The following IPO5 variants were observed in gnomAD, a reference collection of about 807,000 sequenced individuals.
IPO5 encodes the protein importin-5.
IPO5 carries 18 observed loss-of-function variants against 143.3 expected under a neutral mutation model. That is an observed-to-expected ratio of 0.13 (90% CI 0.09 to 0.19). The LOEUF is 0.19. IPO5 is among the 10% of genes least tolerant of loss of function. The probability of loss-of-function intolerance (pLI) is 1.00; values close to 1 mark genes in which losing one functional copy is unlikely to be tolerated. For synonymous variants in IPO5, 477 were observed against 465.7 expected, an observed-to-expected ratio of 1.02 and a Z score of -0.31; for missense variants, 1,013 against 1,336.9, an observed-to-expected ratio of 0.76 and a Z score of 3.78.
At chr13:97,980,121 T>C (rs765252604) in intron 4 of IPO5, among the ~76,000 whole-genome samples, 6 of 152,236 alleles carry the variant, frequency 3.9e-5, no homozygotes, top group Non-Finnish European at 8.8e-5. Flanking sequence ...CTAACTGGAC[T>C]AGTGCTAGGA....
chr13:98,009,840 A>C (rs768677384), intron 18 of IPO5, 41 bp from the exon 19 acceptor site: 1 of 1,467,520 alleles, frequency 6.8e-7, no homozygotes, highest in African/African-American at 1.4e-5. Context: ...ACGTTTACCC[A>C]TTGTTTTTTA....
At chr13:97,997,497 C>A in intron 11 of IPO5, 34 bp from the exon 12 acceptor site, 1 of 1,211,430 alleles carries the variant, frequency 8.3e-7, no homozygotes, top group Non-Finnish European at 1.2e-6. Flanking sequence ...GATAAAGTCA[C>A]AGTCTTCGGG....
intron 9 of IPO5, 73 bp downstream of exon 9, chr13:97,990,610 A>G (rs1887728081): frequency 1.1e-5 from 9 of 795,430 alleles, no homozygotes; most frequent in East Asian, 7.9e-5. Context: ...CATTTATGCA[A>G]TAAATTCATA....
At chr13:97,991,739 G>A (rs1180152471) in intron 9 of IPO5, among the ~76,000 whole-genome samples, 1 of 152,174 alleles carries the variant, frequency 6.6e-6, no homozygotes, top group African/African-American at 2.4e-5. Context: ...ACATTGGAGG[G>A]GGGGATAACA....
intron 13 of IPO5, chr13:98,002,079 T>A (rs1210964993): frequency 6.4e-6 from 1 of 156,260 alleles, no homozygotes; most frequent in Admixed American, 6.4e-5. Flanking sequence ...AGTGGCGCGA[T>A]CTCGGCTCAC....
At chr13:97,976,083 G>C in intron 3 of IPO5, 2 of 498,170 alleles carry the variant, frequency 4.0e-6, no homozygotes, top group Non-Finnish European at 5.2e-6. Flanking sequence ...CAAAGGGGTG[G>C]GGCCTGCTCC....
At chr13:97,967,954 G>C (rs1194417200) in intron 2 of IPO5, among the ~76,000 whole-genome samples, 1 of 151,988 alleles carries the variant, frequency 6.6e-6, no homozygotes, top group South Asian at 2.1e-4. Context: ...AATTTCTCTT[G>C]TGATTTTTTT....
Position 98,015,790 on chromosome 13 carries a change from T to A in IPO5, c.2493+9T>A, listed in dbSNP as rs547582633. 3.3e-5 allele frequency: 53 copies of A among 1,587,660 alleles called. No individual in the cohort carries two copies. The East Asian group carries it at 6.9e-4, about 21-fold the overall frequency. ...AGTCACTACAAGATGAGGTAAGTTA[T>A]TCCCTTTGGAACTTACTTACGTGAC... is the stretch of plus-strand genomic sequence containing the variant. On this transcript the variant is annotated intron_variant, in intron 24 of 28. Coordinates refer to ENST00000651721, the MANE Select transcript of IPO5 (RefSeq NM_002271.6).
intron 18 of IPO5, 86 bp downstream of exon 18, chr13:98,008,228 T>C: frequency 2.5e-6 from 2 of 787,940 alleles, no homozygotes; most frequent in Non-Finnish European, 4.3e-6. Flanking sequence ...AAAGGAGTGA[T>C]AGGTTTCTTG....
intron 5 of IPO5, 142 bp from the exon 6 acceptor site, chr13:97,985,279 T>A: frequency 1.6e-6 from 1 of 642,736 alleles, no homozygotes; most frequent in Non-Finnish European, 2.6e-6. Context: ...AAAATAAGTC[T>A]GTATAATAGA....
At chr13:97,972,823 A>G (rs979846968) in intron 3 of IPO5, among the ~76,000 whole-genome samples, 1 of 152,194 alleles carries the variant, frequency 6.6e-6, no homozygotes, top group African/African-American at 2.4e-5. Flanking sequence ...TTAATAATAT[A>G]CTTTTTATTA....
At chr13:97,975,179 T>C (rs914657431) in intron 3 of IPO5, among the ~76,000 whole-genome samples, 29 of 146,936 alleles carry the variant, frequency 2.0e-4, no homozygotes, top group Non-Finnish European at 1.0e-4. Flanking sequence ...CAGAAATGAA[T>C]TGTTTTTGTA....
chr13:97,996,542 C>G (rs766839734), intron 11 of IPO5, among the ~76,000 whole-genome samples: 16 of 152,294 alleles, frequency 1.1e-4, no homozygotes, highest in South Asian at 2.1e-4. Flanking sequence ...TAACGGAGAC[C>G]TCCACTTAAA....
Position 98,022,011 on chromosome 13 carries a change from C to G in IPO5, c.*189C>G. ...GGAGTTTCCATGGATTTCTACCAGA[C>G]CACTGAAGGAGTTCCTGGAAGCCCT... is the stretch of plus-strand genomic sequence containing the variant. On this transcript the variant is annotated 3_prime_UTR_variant, in exon 29 of 29. Transcript: ENST00000651721. 1 of 408,518 alleles carries G rather than the reference C, an allele frequency of 2.4e-6. No individual in the cohort carries two copies. Among genetic ancestry groups the G allele is most frequent in the Non-Finnish European group, 4.4e-6 (1 of 227,610 alleles). 25.3% of individuals were successfully genotyped at this position (408,518 alleles called of 1,614,324 possible).
At chr13:98,006,459 C>A (rs1889261074) in intron 17 of IPO5, 111 bp downstream of exon 17, 1 of 643,476 alleles carries the variant, frequency 1.6e-6, no homozygotes, top group Non-Finnish European at 2.5e-6. Flanking sequence ...ACTGCAAACT[C>A]TGCCTCCCAG....
chr13:97,997,456 A>C (rs1274885468), intron 11 of IPO5, 75 bp from the exon 12 acceptor site: 1 of 772,470 alleles, frequency 1.3e-6, no homozygotes, highest in Non-Finnish European at 2.1e-6. Context: ...AAAATCTTAA[A>C]ATTCTTGTTT....
chr13:97,961,394 C>T (rs1029283786), intron 2 of IPO5, among the ~76,000 whole-genome samples: 24 of 152,128 alleles, frequency 1.6e-4, no homozygotes, highest in Non-Finnish European at 3.5e-4. Context: ...TGCAATGGCA[C>T]GATCTCGGCT....
intron 28 of IPO5, 199 bp downstream of exon 28, chr13:98,021,332 C>G (rs1455570380): frequency 2.4e-6 from 1 of 425,450 alleles, no homozygotes; most frequent in Non-Finnish European, 4.0e-6. Flanking sequence ...GAATTAAAAC[C>G]TTCATCTTAG....
rs140280266 is a variant in IPO5, at chr13:98,010,500, T to C, written c.2055+276T>C. 7.0e-4 allele frequency among the ~76,000 whole-genome samples: 107 copies of C among 152,282 alleles called. No homozygotes were observed. In the East Asian group the frequency reaches 0.02, roughly 29 times the overall value. ...TAATATACAGCCATTACAAAAAGTTTATAAGCTACATGAGGGAAGGATTTT... is the reference window on the plus strand; with the variant it reads ...TAATATACAGCCATTACAAAAAGTTCATAAGCTACATGAGGGAAGGATTTT... On this transcript the variant is annotated intron_variant, in intron 20 of 28. Transcript: ENST00000651721.
Sources: gnomAD v4.1 joint callset for allele counts (sites outside exome capture counted in the v4.1 genomes callset) on GRCh38, gnomAD v4.1.1 for gene constraint, MANE v1.5 for transcripts, NCBI Gene and HGNC (gene_info 2026-07-23, HGNC 2026-07-21) for gene names.